Variants in MTG2 observed in about 807,000 individuals in gnomAD.
MTG2 encodes mitochondrial ribosome-associated GTPase 2.
In MTG2, 23 loss-of-function variants were observed where a neutral mutation model predicts 28.6. The ratio of observed to expected loss-of-function variants is 0.80; its 90% CI spans 0.58 to 1.14. The LOEUF is 1.14. Ranked by LOEUF, MTG2 falls within the 50% of genes most tolerant of loss-of-function variation. The pLI, the probability that MTG2 is intolerant of heterozygous loss-of-function variation, is 0.00. For synonymous variants in MTG2, 260 were observed against 251.8 expected (o/e 1.03, Z -0.31); for missense variants, 539 against 552.0 (o/e 0.98, Z 0.24).
intron 1 of MTG2, among the ~76,000 whole-genome samples, chr20:62,189,365 G>A (rs567155413): frequency 1.1e-4 from 16 of 151,762 alleles, no homozygotes; most frequent in Admixed American, 3.3e-4. Context: ...GCTGGAGTGC[G>A]GTGGCATATT....
At chr20:62,196,349 AC>A (rs1049945625) in intron 3 of MTG2, among the ~76,000 whole-genome samples, 3 of 140,886 alleles carry the variant, frequency 2.1e-5, no homozygotes, top group African/African-American at 7.9e-5. Flanking sequence ...ACAGAGCAAT[AC>A]CCTATCTCTA....
chr20:62,183,657 G>C (rs1311834844), intron 1 of MTG2, among the ~76,000 whole-genome samples: 2 of 152,166 alleles, frequency 1.3e-5, no homozygotes, highest in Non-Finnish European at 2.9e-5. Flanking sequence ...TGGATACCGA[G>C]GAACGGCGTT....
At chr20:62,200,537 C>G (rs201718363) in intron 6 of MTG2, 146 bp from the exon 7 acceptor site, 136,874 of 957,670 alleles carry the variant, frequency 0.14, 14,036 homozygotes, top group East Asian at 0.54. Context: ...CAGTTCAAGG[C>G]GTTCCTTGAA....
intron 1 of MTG2, among the ~76,000 whole-genome samples, chr20:62,193,158 A>G (rs183576008): frequency 4.5e-4 from 69 of 152,320 alleles, no homozygotes; most frequent in African/African-American, 1.6e-3. Context: ...GGATGTGTCC[A>G]GTGTTGTGGA....
chr20:62,193,178 G>A (rs2057993986), intron 1 of MTG2, among the ~76,000 whole-genome samples: 1 of 152,158 alleles, frequency 6.6e-6, no homozygotes, highest in Non-Finnish European at 1.5e-5. Flanking sequence ...AAGATTTCAT[G>A]TTTTAAATCC....
chr20:62,189,631 C>T (rs1162030646), intron 1 of MTG2, among the ~76,000 whole-genome samples: 8 of 151,504 alleles, frequency 5.3e-5, no homozygotes, highest in Non-Finnish European at 1.2e-4. Flanking sequence ...CTTTGTCAAC[C>T]TCTGCCTTTT....
intron 5 of MTG2, 54 bp from the exon 6 acceptor site, chr20:62,199,065 C>A: frequency 6.2e-7 from 1 of 1,608,510 alleles, no homozygotes; most frequent in Non-Finnish European, 8.5e-7. Context: ...ACAGACTCTG[C>A]GCTAACAAAG....
In MTG2 at chr20:62,200,715, C is replaced by T. The variant is rs912811835; in HGVS notation, c.859C>T (p.His287Tyr). Residue 287 changes from histidine (H) to tyrosine (Y), a missense_variant, in exon 7 of 7, where the codon CAC (histidine) becomes TAC (tyrosine). His to Tyr is a moderately conservative substitution (Grantham distance 83). Transcript: ENST00000370823. ...ADIPGIIRGA[H>Y]QNRGLGSAFL... Reference sequence around the variant, plus strand: ...CATCCCCGGCATCATACGAGGCGCCCACCAGAACAGGGGTCTGGGGTCCGC... The same window carrying T: ...CATCCCCGGCATCATACGAGGCGCCTACCAGAACAGGGGTCTGGGGTCCGC... 6.8e-6 allele frequency: 11 copies of T among 1,612,514 alleles called. No homozygotes were observed. Among genetic ancestry groups the T allele is most frequent in the African/African-American group, 2.7e-5 (2 of 74,908 alleles).
Position 62,198,846 on chromosome 20 carries a change from C to T in MTG2, c.681C>T (p.Ala227=), listed in dbSNP as rs142575745. 5.0e-5 allele frequency: 81 copies of T among 1,613,880 alleles called. No homozygotes were observed. The Middle Eastern group carries it at 6.6e-4, about 13-fold the overall frequency. Residue 227 remains alanine, a synonymous_variant, in exon 5 of 7, where the codon GCC becomes GCT. Transcript: ENST00000370823. Reference sequence around the variant, plus strand: ...TGGAGCTCAAGACGGTGGCCCACGCCGGAATGGTAGGTGTCCCCACTGCCA... The same window carrying T: ...TGGAGCTCAAGACGGTGGCCCACGCTGGAATGGTAGGTGTCCCCACTGCCA... ...LHLELKTVAH[A]GMVGFPNAGK...
In MTG2 at chr20:62,195,807, G is replaced by C; in HGVS notation, c.210G>C (p.Arg70Ser). The C allele has an allele frequency of 6.2e-7, 1 of 1,614,200 alleles. No individual in the cohort carries two copies. ...GATATTTGTGTTCTCTGTAGAAAAG[G>C]TACTTTGTGGACTATCGGAGAGTGC... ...KKLLSEKKLK[R>S]YFVDYRRVLV... Residue 70 changes from arginine (R) to serine (S), a missense_variant, in exon 3 of 7, where the codon AGG becomes AGC. Arg to Ser is a moderately radical substitution (Grantham distance 110). Transcript: ENST00000370823.
At chr20:62,199,692 CTTTTTT>C (rs576466526) in intron 6 of MTG2, among the ~76,000 whole-genome samples, 1 of 90,626 alleles carries the variant, frequency 1.1e-5, no homozygotes. Flanking sequence ...ATGTAAACAA[CTTTTTT>C]TTTTTTTTTT....
intron 3 of MTG2, among the ~76,000 whole-genome samples, chr20:62,196,738 T>C (rs1481041985): frequency 1.3e-5 from 2 of 151,206 alleles, no homozygotes; most frequent in African/African-American, 4.9e-5. Context: ...ATAAATTATA[T>C]GGATATTCAG....
chr20:62,189,102 C>T (rs772370281), intron 1 of MTG2, among the ~76,000 whole-genome samples: 24 of 151,984 alleles, frequency 1.6e-4, no homozygotes, highest in Non-Finnish European at 4.4e-5. Context: ...ACAGAAGGAT[C>T]GCTTGAGACC....
At position 62,195,367 on chromosome 20, in the gene MTG2, G is replaced by A. The variant is rs1161657110; in HGVS notation, c.205-435G>A. On this transcript the variant is annotated intron_variant, in intron 2 of 6. Transcript: ENST00000370823. ...GATTCTAACTTCCTATTTCTCTATC[G>A]CATCCTGGGAAACTAGAACTTTCTA... 2.0e-5 allele frequency among the ~76,000 whole-genome samples: 3 copies of A among 152,122 alleles called. No individual in the cohort carries two copies. In the East Asian group the frequency reaches 5.8e-4, roughly 29 times the overall value.
At position 62,195,873 on chromosome 20, in the gene MTG2, C is replaced by A; in HGVS notation, c.276C>A (p.Phe92Leu). The change falls in exon 3 of 7, where the codon TTC (phenylalanine) becomes TTA (leucine). Residue 92 changes from phenylalanine (F) to leucine (L), a missense_variant. Phe to Leu is a conservative substitution (Grantham distance 22). Coordinates refer to ENST00000370823, the MANE Select transcript of MTG2 (RefSeq NM_015666.4). ...GGNGGAGASC[F>L]HSEPRKEFGG... ...ACGGAGGCGCTGGGGCAAGCTGCTT[C>A]CACAGTGAGCCCCGCAAGGAGTTTG... is the stretch of plus-strand genomic sequence containing the variant. 6.2e-7 allele frequency: 1 copy of A among 1,614,212 alleles called. No individual in the cohort carries two copies. Among genetic ancestry groups the A allele is most frequent in the East Asian group, 2.2e-5 (1 of 44,878 alleles).
At chr20:62,198,055 T>A in intron 4 of MTG2, 88 bp downstream of exon 4, 1 of 1,036,350 alleles carries the variant, frequency 9.6e-7, no homozygotes, top group Non-Finnish European at 1.5e-6. Context: ...ACGGGGCCCC[T>A]GTGGCTTGAT....
Position 62,200,754 on chromosome 20 carries a change from A to G in MTG2, c.898A>G (p.Ile300Val), listed in dbSNP as rs763281602. 8 of 1,613,532 alleles carry G rather than the reference A, an allele frequency of 5.0e-6. No individual in the cohort carries two copies. The highest frequency in any genetic ancestry group is 1.3e-5 in the African/African-American group (1 of 74,932). Residue 300 changes from isoleucine (I) to valine (V), a missense_variant, in exon 7 of 7, where the codon ATC (isoleucine) becomes GTC (valine). By Grantham distance (29) the Ile-to-Val change is conservative. Coordinates refer to ENST00000370823, the MANE Select transcript of MTG2 (RefSeq NM_015666.4). ...RGLGSAFLRH[I>V]ERCRFLLFVV... The stretch of plus-strand genomic sequence containing the variant: ...TCTGGGGTCCGCCTTCCTCAGGCAC[A>G]TCGAGCGCTGCCGCTTTCTCTTGTT...
At chr20:62,184,752 T>C (rs2057806216) in intron 1 of MTG2, among the ~76,000 whole-genome samples, 1 of 152,156 alleles carries the variant, frequency 6.6e-6, no homozygotes, top group African/African-American at 2.4e-5. Flanking sequence ...GAAAAGCAAA[T>C]GGAAGATAGC....
chr20:62,199,115 C>T lies in MTG2; in HGVS notation c.688-4C>T. On this transcript the variant is annotated splice_region_variant and splice_polypyrimidine_tract_variant and intron_variant, in intron 5 of 6. Transcript: ENST00000370823. ...CGTGCCACCGTCTTCCCTCTTTCCC[C>T]CAGGTGGGATTCCCCAACGCCGGGA... 1 of 1,613,962 alleles carries T rather than the reference C, an allele frequency of 6.2e-7. No homozygotes were observed. The highest frequency in any genetic ancestry group is 8.5e-7 in the Non-Finnish European group (1 of 1,179,916).
Sources: allele counts gnomAD v4.1 joint callset (sites outside exome capture counted in the v4.1 genomes callset), GRCh38; gene constraint gnomAD v4.1.1; transcripts MANE v1.5; gene names NCBI Gene and HGNC (gene_info 2026-07-23, HGNC 2026-07-21).